The following PDIA6 variants were observed in gnomAD, a reference collection of about 807,000 sequenced individuals.
PDIA6 encodes protein disulfide-isomerase A6.
In PDIA6, 29 loss-of-function variants were observed where a neutral mutation model predicts 58.4. The ratio of observed to expected loss-of-function variants is 0.50; its 90% CI spans 0.37 to 0.68. The LOEUF (loss-of-function observed/expected upper bound fraction) is 0.68, where lower values mean the gene tolerates loss of function less well. PDIA6 is among the 30% of genes least tolerant of loss of function. PDIA6 has a pLI of 0.00. For missense variants in PDIA6, 480 were observed against 551.0 expected, an observed-to-expected ratio of 0.87 and a Z score of 1.29; for synonymous variants, 192 against 202.6, an observed-to-expected ratio of 0.95 and a Z score of 0.44.
At chr2:10,789,959 T>G in intron 7 of PDIA6, 70 bp from the exon 8 acceptor site, 3 of 1,404,314 alleles carry the variant, frequency 2.1e-6, no homozygotes, top group Non-Finnish European at 3.0e-6. Context: ...CTTTACAGTT[T>G]CTAAAACCAC....
intron 4 of PDIA6, among the ~76,000 whole-genome samples, chr2:10,794,525 C>T (rs1208125932): frequency 1.3e-5 from 2 of 148,542 alleles, no homozygotes; most frequent in African/African-American, 5.0e-5. Flanking sequence ...AAGTGATCCT[C>T]CCACCTCAGC....
At chr2:10,833,751 A>C (rs1319509989), upstream of PDIA6, among the ~76,000 whole-genome samples, 1 of 152,076 alleles carries the variant, frequency 6.6e-6, no homozygotes, top group Non-Finnish European at 1.5e-5. Flanking sequence ...CTGCAGGGAG[A>C]TGTATGAAGT....
In PDIA6 at chr2:10,791,264, C is replaced by T. The variant is rs114491855; in HGVS notation, c.585-431G>A. ...AATCAAGAGATTCTTGCACCTCAAC[C>T]TCCCAAGTAGCTGGGACTACAGGCA... On this transcript the variant is annotated intron_variant, in intron 6 of 12. Transcript: ENST00000272227. 1.5e-3 allele frequency among the ~76,000 whole-genome samples: 234 copies of T among 152,154 alleles called. 1 individual carries two copies. The highest frequency in any genetic ancestry group is 5.6e-3 in the African/African-American group (231 of 41,494).
chr2:10,793,918 C>CT (rs1408098783), intron 4 of PDIA6, among the ~76,000 whole-genome samples: 1 of 152,148 alleles, frequency 6.6e-6, no homozygotes, highest in African/African-American at 2.4e-5. Flanking sequence ...TTCCAGGCTT[C>CT]TTTTTTTCTA....
chr2:10,832,452 A>G (rs1360057461), exon 1 of PDIA6: 13 of 985,344 alleles, frequency 1.3e-5, no homozygotes, highest in Non-Finnish European at 1.6e-5. Context: ...GCACGAGGCC[A>G]GGAGACCTAA....
At chr2:10,825,000 G>C (rs2148579234) in intron 1 of PDIA6, among the ~76,000 whole-genome samples, 1 of 152,264 alleles carries the variant, frequency 6.6e-6, no homozygotes, top group Non-Finnish European at 1.5e-5. Context: ...TAATCTGGGT[G>C]GGCACCAGCT....
intron 1 of PDIA6, among the ~76,000 whole-genome samples, chr2:10,809,642 T>G (rs1572687846): frequency 5.3e-5 from 1 of 18,692 alleles, no homozygotes. Flanking sequence ...CAAGACCCGG[T>G]CTCAAAAAAA....
chr2:10,785,766 C>T (rs1409999863), intron 11 of PDIA6, among the ~76,000 whole-genome samples: 3 of 152,216 alleles, frequency 2.0e-5, no homozygotes, highest in Non-Finnish European at 4.4e-5. Flanking sequence ...CACTCTTTTG[C>T]CCAGGCTGGA....
intron 5 of PDIA6, 145 bp from the exon 6 acceptor site, chr2:10,792,070 T>C: frequency 2.3e-6 from 2 of 860,464 alleles, no homozygotes; most frequent in Non-Finnish European, 3.6e-6. Context: ...TGTATTCAAA[T>C]TGGGTACATT....
rs763115516 is a variant in PDIA6, at chr2:10,788,775, T to A, written c.926-6A>T. ...AGAATTTCTGCCTGCAGCTCCTGATTTAAATAGACAAAGTTTTTTAAAGGT... is the reference window on the plus strand; with the variant it reads ...AGAATTTCTGCCTGCAGCTCCTGATATAAATAGACAAAGTTTTTTAAAGGT... On this transcript the variant is annotated splice_polypyrimidine_tract_variant and splice_region_variant and intron_variant, in intron 9 of 12. Transcript: ENST00000272227. 1.9e-5 allele frequency: 31 copies of A among 1,610,000 alleles called. 1 individual carries two copies. The highest frequency in any genetic ancestry group is 7.7e-5 in the South Asian group (7 of 91,018).
chr2:10,832,405 A>C, exon 1 of PDIA6: 1 of 985,380 alleles, frequency 1.0e-6, no homozygotes, highest in Non-Finnish European at 1.2e-6. Flanking sequence ...CGCCTCACAA[A>C]CACCACCTGG....
At chr2:10,788,037 C>T (rs976820336) in intron 10 of PDIA6, among the ~76,000 whole-genome samples, 3 of 140,608 alleles carry the variant, frequency 2.1e-5, no homozygotes, top group Non-Finnish European at 4.6e-5. Context: ...CTGCACTCCA[C>T]CCTGGGCAAG....
At chr2:10,787,189 A>G in intron 11 of PDIA6, 92 bp downstream of exon 11, 1 of 1,043,454 alleles carries the variant, frequency 9.6e-7, no homozygotes, top group Non-Finnish European at 1.5e-6. Flanking sequence ...TCCATTTATT[A>G]CCTGGCTTAT....
chr2:10,833,921 A>G (rs2148585739), upstream of PDIA6, among the ~76,000 whole-genome samples: 1 of 152,276 alleles, frequency 6.6e-6, no homozygotes, highest in Non-Finnish European at 1.5e-5. Flanking sequence ...GTTTAGAGAA[A>G]TCTTTGCCTC....
At chr2:10,814,736 G>T (rs1026521718), upstream of PDIA6, among the ~76,000 whole-genome samples, 1 of 152,062 alleles carries the variant, frequency 6.6e-6, no homozygotes, top group African/African-American at 2.4e-5. Context: ...AGTTAACTTT[G>T]TCCCCATGGG....
chr2:10,817,560 A>G (rs1328780169), upstream of PDIA6, among the ~76,000 whole-genome samples: 1 of 152,162 alleles, frequency 6.6e-6, no homozygotes, highest in Non-Finnish European at 1.5e-5. Context: ...TGCCTGCCAC[A>G]CTTCACCACA....
intron 1 of PDIA6, among the ~76,000 whole-genome samples, chr2:10,820,145 C>G (rs769704688): frequency 3.9e-5 from 6 of 152,020 alleles, no homozygotes; most frequent in Non-Finnish European, 8.8e-5. Flanking sequence ...CGTGGACCCA[C>G]GAAGAGTTAG....
intron 1 of PDIA6, among the ~76,000 whole-genome samples, chr2:10,824,541 T>A (rs1409037335): frequency 1.3e-5 from 2 of 152,230 alleles, no homozygotes; most frequent in Non-Finnish European, 2.9e-5. Context: ...AGGGTGAGCA[T>A]GTGACATAAA....
At chr2:10,813,635 A>AT (rs1344155076), upstream of PDIA6, among the ~76,000 whole-genome samples, 31 of 145,320 alleles carry the variant, frequency 2.1e-4, no homozygotes, top group Non-Finnish European at 4.4e-5. Context: ...AAAAGTAAAA[A>AT]TTTTTTTGCT....
Sources: gnomAD v4.1 joint callset for allele counts (sites outside exome capture counted in the v4.1 genomes callset) on GRCh38, gnomAD v4.1.1 for gene constraint, MANE v1.5 for transcripts, NCBI Gene and HGNC (gene_info 2026-07-23, HGNC 2026-07-21) for gene names.